The following BNC2 variants were observed in gnomAD, a reference collection of about 807,000 sequenced individuals.
The protein encoded by BNC2 is basonuclin zinc finger protein 2, also known as zinc finger protein basonuclin-2.
In BNC2, 20 loss-of-function variants were observed where a neutral mutation model predicts 76.3. The observed-to-expected ratio is 0.26, with a 90% CI of 0.18 to 0.38. BNC2 has a LOEUF of 0.38. BNC2 is among the 10% of genes least tolerant of loss of function. The pLI is 1.00. For missense variants in BNC2, 1,382 were observed against 1,399.8 expected, an observed-to-expected ratio of 0.99 and a Z score of 0.20; for synonymous variants, 582 against 514.8, an observed-to-expected ratio of 1.13 and a Z score of -1.77.
intron 5 of BNC2, among the ~76,000 whole-genome samples, chr9:16,523,042 A>G (rs1389401294): frequency 6.6e-6 from 1 of 152,224 alleles, no homozygotes; most frequent in Non-Finnish European, 1.5e-5. Context: ...GACTGAGAAC[A>G]GTGAAAATGA....
At chr9:16,837,058 A>G (rs1386744864) in intron 1 of BNC2, among the ~76,000 whole-genome samples, 1 of 152,246 alleles carries the variant, frequency 6.6e-6, no homozygotes, top group East Asian at 1.9e-4. Context: ...GGGACTACAT[A>G]GGTAAGTTCT....
intron 5 of BNC2, among the ~76,000 whole-genome samples, chr9:16,518,305 G>C (rs1817499708): frequency 6.6e-6 from 1 of 151,972 alleles, no homozygotes. Context: ...ATGGCGGTGT[G>C]CACCTGTGGT....
chr9:16,489,460 A>G (rs1822229255), intron 5 of BNC2, among the ~76,000 whole-genome samples: 1 of 152,232 alleles, frequency 6.6e-6, no homozygotes, highest in Admixed American at 6.5e-5. Flanking sequence ...GAAATCTTTA[A>G]AAAGACAAAA....
chr9:16,477,356 T>C (rs771001766), intron 5 of BNC2, among the ~76,000 whole-genome samples: 5 of 152,002 alleles, frequency 3.3e-5, no homozygotes, highest in Non-Finnish European at 5.9e-5. Context: ...CTTTCCTTGA[T>C]AACAATGTGA....
intron 3 of BNC2, among the ~76,000 whole-genome samples, chr9:16,678,267 C>CTTTTTCTTT (rs1822714767): frequency 2.5e-5 from 2 of 80,720 alleles, no homozygotes; most frequent in African/African-American, 1.1e-4. Flanking sequence ...CTTTCTTTTT[C>CTTTTTCTTT]TTTTTTTTTT....
At chr9:16,535,389 C>G (rs1373312298) in intron 5 of BNC2, among the ~76,000 whole-genome samples, 1 of 152,202 alleles carries the variant, frequency 6.6e-6, no homozygotes, top group African/African-American at 2.4e-5. Context: ...CCTATGTTCA[C>G]TATAAACATA....
intron 4 of BNC2, among the ~76,000 whole-genome samples, chr9:16,564,263 C>T (rs1587176687): frequency 6.6e-6 from 1 of 152,100 alleles, no homozygotes; most frequent in African/African-American, 2.4e-5. Flanking sequence ...TTAGGGTAGT[C>T]CTTAGTTTTC....
chr9:16,474,464 T>C (rs916654744), intron 5 of BNC2, among the ~76,000 whole-genome samples: 1 of 152,158 alleles, frequency 6.6e-6, no homozygotes, highest in African/African-American at 2.4e-5. Flanking sequence ...TTCTTTCTTT[T>C]GTTTTGTAAT....
intron 3 of BNC2, among the ~76,000 whole-genome samples, chr9:16,723,940 G>A (rs762824698): frequency 6.6e-6 from 1 of 152,024 alleles, no homozygotes; most frequent in South Asian, 2.1e-4. Flanking sequence ...ATGTCAGACA[G>A]TTGTTCTTTA....
chr9:16,632,594 CT>C (rs1206738666), intron 3 of BNC2, among the ~76,000 whole-genome samples: 1 of 152,190 alleles, frequency 6.6e-6, no homozygotes, highest in Non-Finnish European at 1.5e-5. Flanking sequence ...AAAACTTATT[CT>C]CTTGATAAAA....
intron 1 of BNC2, among the ~76,000 whole-genome samples, chr9:16,835,626 T>C (rs914209845): frequency 1.3e-5 from 2 of 152,172 alleles, no homozygotes; most frequent in African/African-American, 4.8e-5. Flanking sequence ...CACTTGAACC[T>C]GGGAGGCGGA....
intron 3 of BNC2, among the ~76,000 whole-genome samples, chr9:16,589,980 C>G (rs1819879692): frequency 6.6e-6 from 1 of 152,076 alleles, no homozygotes; most frequent in East Asian, 1.9e-4. Flanking sequence ...AGCAGCCACT[C>G]AGGTGTGGTG....
chr9:16,709,266 G>A, intron 3 of BNC2, among the ~76,000 whole-genome samples: 1 of 152,180 alleles, frequency 6.6e-6, no homozygotes, highest in East Asian at 1.9e-4. Flanking sequence ...TCGGCCTGTG[G>A]TTGATTGCAT....
At chr9:16,580,248 C>A in intron 4 of BNC2, 1 of 398,090 alleles carries the variant, frequency 2.5e-6, no homozygotes, top group South Asian at 1.3e-4. Flanking sequence ...GAGGCCAACC[C>A]CTCACTGCTG....
At chr9:16,455,620 G>A (rs929555894) in intron 5 of BNC2, among the ~76,000 whole-genome samples, 19 of 152,222 alleles carry the variant, frequency 1.2e-4, no homozygotes, top group African/African-American at 4.6e-4. Flanking sequence ...GTGAAACCCT[G>A]TCTCTACTAA....
chr9:16,570,098 A>C (rs1819278452), intron 4 of BNC2, among the ~76,000 whole-genome samples: 1 of 152,170 alleles, frequency 6.6e-6, no homozygotes, highest in South Asian at 2.1e-4. Flanking sequence ...TTAAAGACTT[A>C]ATTTTCTTAA....
chr9:16,635,853 A>C (rs1417784641), intron 3 of BNC2, among the ~76,000 whole-genome samples: 1 of 152,232 alleles, frequency 6.6e-6, no homozygotes, highest in Non-Finnish European at 1.5e-5. Flanking sequence ...TTGCTTATTT[A>C]AAACCTAACA....
At chr9:16,575,731 A>G (rs981578892) in intron 4 of BNC2, among the ~76,000 whole-genome samples, 3 of 152,208 alleles carry the variant, frequency 2.0e-5, no homozygotes, top group African/African-American at 7.2e-5. Flanking sequence ...TGTGCCAGGC[A>G]GGAAAATGGC....
At chr9:16,472,565 C>T (rs931238314) in intron 5 of BNC2, among the ~76,000 whole-genome samples, 24 of 152,174 alleles carry the variant, frequency 1.6e-4, no homozygotes, top group African/African-American at 5.8e-4. Flanking sequence ...ACTGGCTCGC[C>T]TATTCACTCA....
Sources: gnomAD v4.1 joint callset for allele counts (sites outside exome capture counted in the v4.1 genomes callset) on GRCh38, gnomAD v4.1.1 for gene constraint, MANE v1.5 for transcripts, NCBI Gene and HGNC (gene_info 2026-07-23, HGNC 2026-07-21) for gene names.